Variants in NCAPD3 observed in about 807,000 individuals in gnomAD.
NCAPD3 encodes the protein condensin-2 complex subunit D3.
NCAPD3 carries 105 observed loss-of-function variants against 182.9 expected under a neutral mutation model. The observed-to-expected ratio is 0.57, with a 90% CI of 0.49 to 0.68. The LOEUF is 0.68. NCAPD3 is among the 30% of genes least tolerant of loss of function. The probability of loss-of-function intolerance (pLI) is 0.00; values close to 1 mark genes in which losing one functional copy is unlikely to be tolerated. For missense variants in NCAPD3, 1,944 were observed against 1,837.0 expected, an observed-to-expected ratio of 1.06 and a Z score of -1.07; for synonymous variants, 815 against 679.9, an observed-to-expected ratio of 1.20 and a Z score of -3.09.
In NCAPD3 at chr11:134,177,575, C is replaced by T. The variant is rs576009079; in HGVS notation, c.2783-118G>A. The T allele has an allele frequency of 1.3e-5, 11 of 847,926 alleles. No homozygotes were observed. The Admixed American group carries it at 2.3e-4, about 18-fold the overall frequency. The allele number at this position is 847,926 out of a possible 1,614,324, so 52.5% of individuals were successfully genotyped here. A position where few individuals can be genotyped will look rare whatever the true frequency, so the allele number is the denominator to read the frequency against. Reference sequence around the variant, plus strand: ...ATTTCATCAAAGTTAAAACATCATGCCCACAATCACAAACAACAAAAAACT... The same window carrying T: ...ATTTCATCAAAGTTAAAACATCATGTCCACAATCACAAACAACAAAAAACT... On this transcript the variant is annotated intron_variant, in intron 22 of 34. Coordinates refer to ENST00000534548, the MANE Select transcript of NCAPD3 (RefSeq NM_015261.3).
At position 134,208,921 on chromosome 11, in the gene NCAPD3, T is replaced by C. The variant is rs1937718546; in HGVS notation, c.825A>G (p.Glu275=). ...GCAAATACAATCCATAATAAGCCAG[T>C]TCTGGTATGTATTTTGCTTGGTTAA... ...RALNQAKYIP[E]LAYYGLYLLC... is the part of the protein sequence containing the mutation. The change falls in exon 7 of 35, where the codon GAA becomes GAG. Residue 275 remains glutamate (E), a synonymous_variant. Coordinates refer to ENST00000534548, the MANE Select transcript of NCAPD3 (RefSeq NM_015261.3). 2 of 1,612,556 alleles carry C rather than the reference T, an allele frequency of 1.2e-6. No individual in the cohort carries two copies. The highest frequency in any genetic ancestry group is 1.7e-6 in the Non-Finnish European group (2 of 1,179,450).
At chr11:134,215,447 T>C (rs866261346) in intron 3 of NCAPD3, among the ~76,000 whole-genome samples, 7 of 152,324 alleles carry the variant, frequency 4.6e-5, no homozygotes, top group South Asian at 2.1e-4. Flanking sequence ...ACAAATGAGT[T>C]TGGCAAGGTT....
In NCAPD3 at chr11:134,153,212, T is replaced by A; in HGVS notation, c.4328-12A>T. Reference sequence around the variant, plus strand: ...GCCTTCAATTTTCTCTAAAAGGGAGTCAAACAAACACATTCAGCTTTCCCA... The same window carrying A: ...GCCTTCAATTTTCTCTAAAAGGGAGACAAACAAACACATTCAGCTTTCCCA... On this transcript the variant is annotated splice_polypyrimidine_tract_variant and intron_variant, in intron 33 of 34. Transcript: ENST00000534548. 6.2e-7 allele frequency: 1 copy of A among 1,613,634 alleles called. No individual in the cohort carries two copies. The highest frequency in any genetic ancestry group is 8.5e-7 in the Non-Finnish European group (1 of 1,179,830).
intron 21 of NCAPD3, 28 bp from the exon 22 acceptor site, chr11:134,178,769 A>G: frequency 6.2e-7 from 1 of 1,608,700 alleles, no homozygotes; most frequent in South Asian, 1.1e-5. Context: ...AAAGTTACCG[A>G]CAGAACCTTG....
intron 13 of NCAPD3, among the ~76,000 whole-genome samples, chr11:134,195,893 G>A (rs1168743968): frequency 1.3e-5 from 2 of 152,092 alleles, no homozygotes; most frequent in African/African-American, 4.8e-5. Flanking sequence ...ATATACATTC[G>A]TGAGGAAATC....
intron 16 of NCAPD3, among the ~76,000 whole-genome samples, chr11:134,187,838 A>G (rs1357062970): frequency 6.6e-6 from 1 of 152,226 alleles, no homozygotes; most frequent in Non-Finnish European, 1.5e-5. Flanking sequence ...GTGAATCTCC[A>G]GCACTTAGAA....
In NCAPD3 at chr11:134,153,144, T is replaced by C; in HGVS notation, c.4384A>G (p.Lys1462Glu). 6.2e-7 allele frequency: 1 copy of C among 1,614,136 alleles called. No homozygotes were observed. Among genetic ancestry groups the C allele is most frequent in the Non-Finnish European group, 8.5e-7 (1 of 1,179,982 alleles). The change falls in exon 34 of 35, where the codon AAA becomes GAA. Residue 1462 changes from lysine (K) to glutamate (E), a missense_variant. Physicochemically the swap from Lys to Glu is moderately conservative, Grantham distance 56. Transcript: ENST00000534548. ...AAGGAACACTGCTAAACTTACGGTT[T>C]ATCAGGCAGTGATAAACATAAGATG... is the stretch of plus-strand genomic sequence containing the variant. The part of the protein sequence containing the change: ...NDILCLSLPD[K>E]PPPQPQQWNV...
rs544278083 is a variant in NCAPD3, at chr11:134,187,146, C to G, written c.2046-1620G>C. On this transcript the variant is annotated intron_variant, in intron 16 of 34. Coordinates refer to ENST00000534548, the MANE Select transcript of NCAPD3 (RefSeq NM_015261.3). ...CATTCCCCACCTGGGCAGACTGTGACCCAACACACTAACTTCTATCTTAGT... is the reference window on the plus strand; with the variant it reads ...CATTCCCCACCTGGGCAGACTGTGAGCCAACACACTAACTTCTATCTTAGT... Among the ~76,000 whole-genome samples, 17 of 152,230 alleles carry G rather than the reference C, an allele frequency of 1.1e-4. No homozygotes were observed. In the East Asian group the frequency reaches 3.3e-3, roughly 29 times the overall value.
At chr11:134,219,064 T>C (rs577812294) in intron 2 of NCAPD3, among the ~76,000 whole-genome samples, 23 of 152,346 alleles carry the variant, frequency 1.5e-4, no homozygotes, top group African/African-American at 5.3e-4. Context: ...CACGTAAAGC[T>C]ACCCGTGACC....
At chr11:134,167,041 C>T (rs1301730667) in intron 27 of NCAPD3, among the ~76,000 whole-genome samples, 2 of 89,580 alleles carry the variant, frequency 2.2e-5, no homozygotes, top group African/African-American at 5.7e-5. Context: ...CTTGGGGGAG[C>T]TGCACACTCA....
At chr11:134,221,657 CAAATTA>C (rs1157243133) in intron 1 of NCAPD3, among the ~76,000 whole-genome samples, 1 of 152,112 alleles carries the variant, frequency 6.6e-6, no homozygotes, top group African/African-American at 2.4e-5. Context: ...GGTGTTCCTT[CAAATTA>C]ATATTAAAAG....
chr11:134,186,411 C>T (rs1412001524), intron 16 of NCAPD3, among the ~76,000 whole-genome samples: 1 of 152,194 alleles, frequency 6.6e-6, no homozygotes, highest in African/African-American at 2.4e-5. Flanking sequence ...CAGGGTCTCA[C>T]TATGTTGTCT....
chr11:134,223,880 G>A lies in NCAPD3; in HGVS notation c.47C>T (p.Pro16Leu). 6.2e-7 allele frequency: 1 copy of A among 1,612,700 alleles called. No individual in the cohort carries two copies. Reference sequence around the variant, plus strand: ...CTGCTCACCGAGTCTAAGATCCAGCGGACACCAGGGCTGCAGGCCGCTACC... The same window carrying A: ...CTGCTCACCGAGTCTAAGATCCAGCAGACACCAGGGCTGCAGGCCGCTACC... ...GLGSGLQPWC[P>L]LDLRLEWVDT... Residue 16 changes from proline (P) to leucine (L), a missense_variant, in exon 1 of 35, where the codon CCG (proline) becomes CTG (leucine). By Grantham distance (98) the Pro-to-Leu change is moderately conservative. Around this residue, in one of 3 missense-constraint regions of NCAPD3, gnomAD observed 131 missense variants for 133.9 expected, o/e 0.98. Coordinates refer to ENST00000534548, the MANE Select transcript of NCAPD3 (RefSeq NM_015261.3).
At chr11:134,155,915 T>C (rs1943405867) in intron 32 of NCAPD3, among the ~76,000 whole-genome samples, 1 of 152,180 alleles carries the variant, frequency 6.6e-6, no homozygotes, top group South Asian at 2.1e-4. Context: ...AAATTACCTC[T>C]AACCTGTTAA....
chr11:134,172,009 C>A (rs1347440768), intron 24 of NCAPD3, among the ~76,000 whole-genome samples: 1 of 152,114 alleles, frequency 6.6e-6, no homozygotes, highest in African/African-American at 2.4e-5. Context: ...AAACTCATGC[C>A]CCTCAGGAAA....
At position 134,150,465 on chromosome 11, in the gene NCAPD3, G is replaced by A. The variant is rs1565509099; in HGVS notation, c.*2479C>T. 6.6e-6 allele frequency: 1 copy of A among 152,262 alleles called. No individual in the cohort carries two copies. The highest frequency in any genetic ancestry group is 2.1e-4 in the South Asian group (1 of 4,826). 9.4% of individuals were successfully genotyped at this position (152,262 alleles called of 1,614,324 possible). ...GGAGGCCCTGCCATCCTTGGGCCCTGGCAGTGGCTGTGTCCCAGTGAGCTT... is the reference window on the plus strand; with the variant it reads ...GGAGGCCCTGCCATCCTTGGGCCCTAGCAGTGGCTGTGTCCCAGTGAGCTT... On this transcript the variant is annotated 3_prime_UTR_variant, in exon 35 of 35. Coordinates refer to ENST00000534548, the MANE Select transcript of NCAPD3 (RefSeq NM_015261.3).
intron 24 of NCAPD3, among the ~76,000 whole-genome samples, chr11:134,170,854 G>A (rs1206726084): frequency 6.6e-6 from 1 of 152,228 alleles, no homozygotes; most frequent in Admixed American, 6.5e-5. Flanking sequence ...CAGCCAATGT[G>A]TGATATCCAC....
intron 10 of NCAPD3, 38 bp from the exon 11 acceptor site, chr11:134,203,944 G>A: frequency 1.2e-6 from 2 of 1,607,184 alleles, no homozygotes; most frequent in Middle Eastern, 1.7e-4. Context: ...CATCAGATAG[G>A]AGTAAGAACC....
rs1262648270 is a variant in NCAPD3, at chr11:134,193,529, G to C, written c.1824+487C>G. Among the ~76,000 whole-genome samples, 8 of 152,314 alleles carry C rather than the reference G, an allele frequency of 5.3e-5. No individual in the cohort carries two copies. In the East Asian group the frequency reaches 1.5e-3, roughly 29 times the overall value. ...GCACTTTGGGAGGCCAAGGCAGGCG[G>C]GTCACCTGAGGTCAGGAGTTCAAGA... On this transcript the variant is annotated intron_variant, in intron 15 of 34. Coordinates refer to ENST00000534548, the MANE Select transcript of NCAPD3 (RefSeq NM_015261.3).
Sources: gnomAD v4.1 joint callset for allele counts (sites outside exome capture counted in the v4.1 genomes callset) on GRCh38, gnomAD v4.1.1 for gene constraint, gnomAD v4.1.1 regional missense constraint, MANE v1.5 for transcripts, NCBI Gene and HGNC (gene_info 2026-07-23, HGNC 2026-07-21) for gene names.